RFWD3: variants seen among roughly 807,000 people sequenced by gnomAD.
RFWD3 encodes the protein ring finger and WD repeat domain 3.
Under a neutral mutation model 87.7 loss-of-function variants are expected in RFWD3, and 65 were observed. That is an observed-to-expected ratio of 0.74 (90% confidence interval 0.61 to 0.91). The LOEUF is 0.91. Among genes scored for constraint, RFWD3 ranks in the 40% least tolerant of loss-of-function variants. The pLI is 0.00. For missense variants in RFWD3, 1,078 were observed against 938.5 expected (o/e 1.15, Z -1.94); for synonymous variants, 433 against 352.8 (o/e 1.23, Z -2.55).
chr16:74,646,561 G>C (rs1296089533), intron 4 of RFWD3, among the ~76,000 whole-genome samples: 2 of 152,124 alleles, frequency 1.3e-5, no homozygotes, highest in African/African-American at 2.4e-5. Context: ...GCCAAGGCAG[G>C]CGGATCATGA....
chr16:74,647,074 G>A (rs568913156), intron 4 of RFWD3, among the ~76,000 whole-genome samples: 54 of 149,284 alleles, frequency 3.6e-4, no homozygotes, highest in African/African-American at 1.2e-3. Flanking sequence ...GTGACAGAGC[G>A]ACACTCGTCT....
chr16:74,638,029 C>T, intron 6 of RFWD3, 59 bp from the exon 7 acceptor site: 1 of 1,145,930 alleles, frequency 8.7e-7, no homozygotes, highest in South Asian at 1.3e-5. Context: ...GACTTCCCAT[C>T]CAGGTGGCAG....
intron 12 of RFWD3, among the ~76,000 whole-genome samples, chr16:74,624,421 G>A (rs1395647540): frequency 6.6e-6 from 1 of 152,148 alleles, no homozygotes; most frequent in Non-Finnish European, 1.5e-5. Context: ...TTGAGACGGA[G>A]TCTCACTCTT....
At chr16:74,662,245 AGCCACTGT>A (rs1163428540) in intron 1 of RFWD3, among the ~76,000 whole-genome samples, 1 of 152,154 alleles carries the variant, frequency 6.6e-6, no homozygotes, top group Non-Finnish European at 1.5e-5. Context: ...AACAGGACTG[AGCCACTGT>A]GCCTCCCTAC....
intron 9 of RFWD3, among the ~76,000 whole-genome samples, chr16:74,631,389 T>G (rs1959089074): frequency 6.6e-6 from 1 of 151,948 alleles, no homozygotes; most frequent in Non-Finnish European, 1.5e-5. Flanking sequence ...GGAGAATCAC[T>G]TGAACCCTGG....
intron 2 of RFWD3, among the ~76,000 whole-genome samples, chr16:74,658,795 G>C (rs1198694923): frequency 6.8e-6 from 1 of 147,674 alleles, no homozygotes; most frequent in Non-Finnish European, 1.5e-5. Context: ...GAGACAGAGA[G>C]TCACTCTTGT....
chr16:74,639,547 G>T (rs1241386456), intron 6 of RFWD3, among the ~76,000 whole-genome samples: 2 of 152,094 alleles, frequency 1.3e-5, no homozygotes, highest in African/African-American at 4.8e-5. Flanking sequence ...ACAAATGGAA[G>T]GATATTACAT....
At position 74,666,845 on chromosome 16, in the gene RFWD3, G is replaced by GCCGAAGACTCGGTAGTTACCTCCGCCCCC. The variant is rs56890104; in HGVS notation, c.-63_-62insGGGGGCGGAGGTAACTACCGAGTCTTCGG. 3 of 150,860 alleles carry GCCGAAGACTCGGTAGTTACCTCCGCCCCC rather than the reference G, an allele frequency of 2.0e-5. No homozygotes were observed. The highest frequency in any genetic ancestry group is 7.3e-5 in the African/African-American group (3 of 41,052). 9.3% of individuals were successfully genotyped at this position (150,860 alleles called of 1,614,324 possible). Reference sequence around the variant, plus strand: ...CCGCCGAAGACTCGGTAGTTACCTCGGCCGCACTCCGAATGCACCTACGCC... The same window carrying GCCGAAGACTCGGTAGTTACCTCCGCCCCC: ...CCGCCGAAGACTCGGTAGTTACCTCGCCGAAGACTCGGTAGTTACCTCCGCCCCCGCCGCACTCCGAATGCACCTACGCC... On this transcript the variant is annotated 5_prime_UTR_variant, in exon 1 of 13. Coordinates refer to ENST00000361070, the MANE Select transcript of RFWD3 (RefSeq NM_018124.4).
intron 10 of RFWD3, 125 bp downstream of exon 10, chr16:74,630,656 T>C: frequency 1.4e-6 from 1 of 690,146 alleles, no homozygotes; most frequent in East Asian, 3.0e-5. Flanking sequence ...TGAGATCAAG[T>C]GGATCTTCAA....
At position 74,636,417 on chromosome 16, in the gene RFWD3, A is replaced by T; in HGVS notation, c.1355T>A (p.Ile452Asn). Residue 452 changes from isoleucine to asparagine, a missense_variant, in exon 8 of 13, where the codon ATC (isoleucine) becomes AAC (asparagine). Coordinates refer to ENST00000361070, the MANE Select transcript of RFWD3 (RefSeq NM_018124.4). ...GCTCAGAGCATCACAGTATGCCATG[A>T]TCCGGCAGTTTCCTGCCTGAGATAC... ...FTVSQAGNCR[I>N]MAYCDALSCL... 1 of 1,614,174 alleles carries T rather than the reference A, an allele frequency of 6.2e-7. No homozygotes were observed. Among genetic ancestry groups the T allele is most frequent in the Non-Finnish European group, 8.5e-7 (1 of 1,180,026 alleles).
At chr16:74,626,078 T>C (rs1958924086) in intron 12 of RFWD3, among the ~76,000 whole-genome samples, 1 of 152,162 alleles carries the variant, frequency 6.6e-6, no homozygotes, top group Non-Finnish European at 1.5e-5. Flanking sequence ...TCCCAGCTAC[T>C]CAGGAGGCTG....
At position 74,652,094 on chromosome 16, in the gene RFWD3, G is replaced by C. The variant is rs1396777454; in HGVS notation, c.547C>G (p.Gln183Glu). ...RLRAPLDAYF[Q>E]VSRTQPDLPA... ...AAGTCAGGCTGGGTCCTGCTCACCT[G>C]AAAGTAAGCATCCAATGGTGCTCTC... The change falls in exon 3 of 13, where the codon CAG (glutamine) becomes GAG (glutamate). Residue 183 changes from glutamine to glutamate, a missense_variant. Transcript: ENST00000361070. 6.2e-7 allele frequency: 1 copy of C among 1,614,044 alleles called. No homozygotes were observed. The highest frequency in any genetic ancestry group is 1.3e-5 in the African/African-American group (1 of 74,994).
In RFWD3 at chr16:74,632,539, T is replaced by G; in HGVS notation, c.1561A>C (p.Thr521Pro). 1.2e-6 allele frequency: 2 copies of G among 1,613,936 alleles called. No individual in the cohort carries two copies. The highest frequency in any genetic ancestry group is 1.7e-6 in the Non-Finnish European group (2 of 1,179,878). ...GLLLSASLDNTIKLTSLETNT... is the reference protein window; with the variant it reads ...GLLLSASLDNPIKLTSLETNT... The stretch of plus-strand genomic sequence containing the variant: ...ATCACTCACCTGGTCAGTTTAATAG[T>G]GTTGTCTAGGGAAGCAGAGAGTAGC... The change falls in exon 9 of 13, where the codon ACT (threonine) becomes CCT (proline). Residue 521 changes from threonine (T) to proline (P), a missense_variant. Coordinates refer to ENST00000361070, the MANE Select transcript of RFWD3 (RefSeq NM_018124.4).
At position 74,636,496 on chromosome 16, in the gene RFWD3, G is replaced by C; in HGVS notation, c.1276C>G (p.Pro426Ala). The C allele has an allele frequency of 6.2e-7, 1 of 1,614,080 alleles. No individual in the cohort carries two copies. Among genetic ancestry groups the C allele is most frequent in the Middle Eastern group, 1.7e-4 (1 of 6,010 alleles). Residue 426 changes from proline (P) to alanine (A), a missense_variant, in exon 8 of 13, where the codon CCC becomes GCC. Physicochemically the swap from Pro to Ala is conservative, Grantham distance 27. Transcript: ENST00000361070. ...GSQAWVLSCS[P>A]SSQGQHKHKY... The stretch of plus-strand genomic sequence containing the variant: ...TGCTTGTGCTGGCCCTGGCTGGAGG[G>C]TGAGCAGCTCAGGACCCATGCTTGG...
In RFWD3 at chr16:74,626,496, G is replaced by A. The variant is rs767600574; in HGVS notation, c.2028C>T (p.Asp676=). 5 of 1,614,156 alleles carry A rather than the reference G, an allele frequency of 3.1e-6. No individual in the cohort carries two copies. The Admixed American group carries it at 8.3e-5, about 27-fold the overall frequency. The change falls in exon 12 of 13, where the codon GAC becomes GAT. Residue 676 remains aspartate, a synonymous_variant. Coordinates refer to ENST00000361070, the MANE Select transcript of RFWD3 (RefSeq NM_018124.4). ...GGCAGGAGCAGATTGGATTTCCAGT[G>A]TCATCCAGTCGGTAGGACATTTCCA... ...VLMEMSYRLD[D]TGNPICSCQP...
chr16:74,653,416 G>C (rs976487204), intron 2 of RFWD3, among the ~76,000 whole-genome samples: 3 of 151,924 alleles, frequency 2.0e-5, no homozygotes, highest in Non-Finnish European at 4.4e-5. Context: ...GAGAGTTTGA[G>C]GCCACAGAGA....
chr16:74,641,932 A>G (rs77676738), intron 6 of RFWD3, among the ~76,000 whole-genome samples: 1 of 104,128 alleles, frequency 9.6e-6, no homozygotes, highest in Non-Finnish European at 2.0e-5. Context: ...CGTCTCCAAA[A>G]AAAAAAAAAA....
chr16:74,650,922 CAACT>C (rs1483929485), intron 3 of RFWD3, among the ~76,000 whole-genome samples: 1 of 151,814 alleles, frequency 6.6e-6, no homozygotes, highest in African/African-American at 2.4e-5. Context: ...CCCACTTCAT[CAACT>C]ATCTGATTGT....
rs200352169 is a variant in RFWD3, at chr16:74,623,962, G to A, written c.2291C>T (p.Thr764Ile). Residue 764 changes from threonine to isoleucine, a missense_variant, in exon 13 of 13, where the codon ACA (threonine) becomes ATA (isoleucine). Physicochemically the swap from Thr to Ile is moderately conservative, Grantham distance 89 (BLOSUM62 -1). Transcript: ENST00000361070. ...CTTATAGATGTGGACCATCTTCTCT[G>A]TTAAGGTAGCCAAGTAGCTGTTACG... ...VNRNSYLATL[T>I]EKMVHIYKWE 6 of 1,614,138 alleles carry A rather than the reference G, an allele frequency of 3.7e-6. No individual in the cohort carries two copies. The highest frequency in any genetic ancestry group is 2.7e-5 in the African/African-American group (2 of 75,032).
Sources: allele counts gnomAD v4.1 joint callset (sites outside exome capture counted in the v4.1 genomes callset), GRCh38; gene constraint gnomAD v4.1.1; transcripts MANE v1.5; gene names NCBI Gene and HGNC (gene_info 2026-07-23, HGNC 2026-07-21).